CETP: variants seen among roughly 807,000 people sequenced by gnomAD.
The protein encoded by CETP is BPI fold containing family F.
Under a neutral mutation model 66.5 loss-of-function variants are expected in CETP, and 56 were observed. That is an observed-to-expected ratio of 0.84 (90% CI 0.68 to 1.05). CETP has a LOEUF of 1.05. CETP is among the 50% of genes least tolerant of loss of function. The pLI, the probability that CETP is intolerant of heterozygous loss-of-function variation, is 0.00. For synonymous variants in CETP, 251 were observed against 245.7 expected, an observed-to-expected ratio of 1.02 and a Z score of -0.20; for missense variants, 612 against 609.6, an observed-to-expected ratio of 1.00 and a Z score of -0.04.
rs1350922507 is a variant in CETP, at chr16:56,966,880, G to C, written c.234-2506G>C. On this transcript the variant is annotated intron_variant, in intron 2 of 15. Transcript: ENST00000200676. ...TCCACCTGCCTCGGCCTTCCAAAGT[G>C]CTGGGATTATAGGCGTGAGCCACGG... Among the ~76,000 whole-genome samples, 18 of 151,414 alleles carry C rather than the reference G, an allele frequency of 1.2e-4. 1 individual carries two copies. The highest frequency in any genetic ancestry group is 1.1e-3 in the Admixed American group (16 of 15,202).
intron 7 of CETP, among the ~76,000 whole-genome samples, chr16:56,971,648 C>T (rs2056111256): frequency 1.3e-5 from 2 of 152,180 alleles, no homozygotes; most frequent in East Asian, 3.8e-4. Context: ...CCAAGATTCT[C>T]CTGGAAGTAG....
intron 8 of CETP, 54 bp downstream of exon 8, chr16:56,972,137 CT>C: frequency 1.4e-6 from 2 of 1,393,012 alleles, no homozygotes; most frequent in Non-Finnish European, 1.0e-6. Context: ...GGAGTTGGTC[CT>C]TTTTTGTGCT....
At chr16:56,978,017 C>T (rs1478864572) in intron 10 of CETP, 74 bp from the exon 11 acceptor site, 3 of 1,569,906 alleles carry the variant, frequency 1.9e-6, no homozygotes, top group East Asian at 2.2e-5. Context: ...TTTGTCCTTC[C>T]CATCTCCGAG....
intron 14 of CETP, 106 bp downstream of exon 14, chr16:56,982,343 C>A: frequency 9.2e-7 from 1 of 1,083,864 alleles, no homozygotes; most frequent in South Asian, 1.3e-5. Flanking sequence ...TCTTCCCAGT[C>A]ATTGATACTT....
intron 15 of CETP, 42 bp downstream of exon 15, chr16:56,983,453 G>C (rs747666098): frequency 6.2e-7 from 1 of 1,604,366 alleles, no homozygotes; most frequent in African/African-American, 1.3e-5. Context: ...TTCCTGGGGA[G>C]AGAGGCCCAG....
At chr16:56,969,704 G>A in intron 4 of CETP, 23 bp downstream of exon 4, 1 of 1,612,624 alleles carries the variant, frequency 6.2e-7, no homozygotes, top group Non-Finnish European at 8.5e-7. Flanking sequence ...CGTCCTCTGG[G>A]GAAGTGGGAG....
chr16:56,964,433 T>A (rs2056050765), intron 2 of CETP, among the ~76,000 whole-genome samples: 1 of 152,180 alleles, frequency 6.6e-6, no homozygotes, highest in Admixed American at 6.5e-5. Flanking sequence ...GATAGAGGTT[T>A]AGCAGCCTGG....
At chr16:56,968,793 C>T (rs1452131839) in intron 2 of CETP, among the ~76,000 whole-genome samples, 2 of 150,648 alleles carry the variant, frequency 1.3e-5, no homozygotes, top group South Asian at 2.1e-4. Context: ...TTGGAAAAAC[C>T]AGCTATTGTT....
intron 1 of CETP, among the ~76,000 whole-genome samples, chr16:56,962,633 C>T (rs1400387473): frequency 6.6e-6 from 1 of 152,072 alleles, no homozygotes. Flanking sequence ...TAGAGTATCG[C>T]CAAGTTCAAA....
intron 2 of CETP, among the ~76,000 whole-genome samples, chr16:56,968,649 C>A (rs2056085380): frequency 6.6e-6 from 1 of 151,634 alleles, no homozygotes; most frequent in Admixed American, 6.6e-5. Flanking sequence ...GTAGTATTCT[C>A]TCATAATTCC....
Position 56,982,166 on chromosome 16 carries a change from G to A in CETP, c.1250G>A (p.Ser417Asn). The change falls in exon 14 of 16, where the codon AGC becomes AAC. Residue 417 changes from serine to asparagine, a missense_variant and splice_region_variant. Ser to Asn is a conservative substitution (Grantham distance 46). Transcript: ENST00000200676. ...TPKTVSNLTE[S>N]SSESVQSFLQ... ...TCACCATGGGCATTTGATTGGCAGA[G>A]CAGCTCCGAGTCCGTCCAGAGCTTC... 6.2e-7 allele frequency: 1 copy of A among 1,614,106 alleles called. No homozygotes were observed. The highest frequency in any genetic ancestry group is 8.5e-7 in the Non-Finnish European group (1 of 1,179,992).
At position 56,982,209 on chromosome 16, in the gene CETP, C is replaced by T. The variant is rs774124487; in HGVS notation, c.1293C>T (p.Thr431=). The T allele has an allele frequency of 4.3e-5, 69 of 1,614,042 alleles. 1 individual carries two copies. The highest frequency in any genetic ancestry group is 1.9e-4 in the African/African-American group (14 of 74,910). ...AGAGCTTCCTGCAGTCAATGATCAC[C>T]GCTGTGGGCATCCCTGAGGTCATGT... ...SVQSFLQSMI[T]AVGIPEVMSR... The change falls in exon 14 of 16, where the codon ACC becomes ACT. Residue 431 remains threonine, a synonymous_variant. Coordinates refer to ENST00000200676, the MANE Select transcript of CETP (RefSeq NM_000078.3).
chr16:56,974,802 T>C lies in CETP; in HGVS notation c.931-299T>C, dbSNP rs984350611. On this transcript the variant is annotated intron_variant, in intron 9 of 15. Transcript: ENST00000200676. ...CTGTACTAGAAATGCTTAGGTAGTT[T>C]CCAGGCTGTGCTTGTCATTGAACTC... 5.9e-5 allele frequency among the ~76,000 whole-genome samples: 9 copies of C among 152,314 alleles called. No individual in the cohort carries two copies. The South Asian group carries it at 1.2e-3, about 21-fold the overall frequency.
chr16:56,965,894 T>C (rs2056062585), intron 2 of CETP, among the ~76,000 whole-genome samples: 1 of 152,096 alleles, frequency 6.6e-6, no homozygotes, highest in South Asian at 2.1e-4. Flanking sequence ...TCCTCTGCTG[T>C]ACCTACACCA....
intron 8 of CETP, 45 bp downstream of exon 8, chr16:56,972,128 G>T (rs1003623011): frequency 1.3e-6 from 2 of 1,492,000 alleles, no homozygotes; most frequent in East Asian, 2.3e-5. Context: ...TTCCCCAGGG[G>T]AGTTGGTCCT....
chr16:56,971,052 C>T lies in CETP; in HGVS notation c.547C>T (p.Leu183=), dbSNP rs1228353478. ...GEREPGWIKQ[L]FTNFISFTLK... ...CTTCAGGCCTGGGTGGATCAAGCAG[C>T]TGTTCACAAATTTCATCTCCTTCAC... Residue 183 remains leucine (L), a synonymous_variant, in exon 6 of 16, where the codon CTG becomes TTG. Transcript: ENST00000200676. 4 of 1,614,170 alleles carry T rather than the reference C, an allele frequency of 2.5e-6. No individual in the cohort carries two copies. The highest frequency in any genetic ancestry group is 3.4e-6 in the Non-Finnish European group (4 of 1,180,032).
At chr16:56,978,278 T>C in intron 11 of CETP, 23 bp downstream of exon 11, 1 of 1,613,320 alleles carries the variant, frequency 6.2e-7, no homozygotes, top group Non-Finnish European at 8.5e-7. Context: ...CAGGGAGAGG[T>C]GGTGGTGGGG....
At chr16:56,980,624 TA>T (rs34355970) in intron 11 of CETP, among the ~76,000 whole-genome samples, 2 of 151,952 alleles carry the variant, frequency 1.3e-5, no homozygotes, top group Non-Finnish European at 2.9e-5. Flanking sequence ...GAGCATTTGT[TA>T]AAAAAAAGAA....
At position 56,962,082 on chromosome 16, in the gene CETP, C is replaced by A; in HGVS notation, c.103C>A (p.Pro35Thr). ...AGGCATCGTGTGCCGCATCACCAAGCCTGCCCTCCTGGTGTGTAAGTATCA... is the reference window on the plus strand; with the variant it reads ...AGGCATCGTGTGCCGCATCACCAAGACTGCCCTCCTGGTGTGTAAGTATCA... ...EAGIVCRITK[P>T]ALLVLNHETA... The change falls in exon 1 of 16, where the codon CCT (proline) becomes ACT (threonine). Residue 35 changes from proline to threonine, a missense_variant. Pro to Thr is a conservative substitution (Grantham distance 38). Transcript: ENST00000200676. The A allele has an allele frequency of 1.2e-6, 2 of 1,613,704 alleles. No homozygotes were observed. The highest frequency in any genetic ancestry group is 1.1e-5 in the South Asian group (1 of 91,068).
Sources: allele counts gnomAD v4.1 joint callset (sites outside exome capture counted in the v4.1 genomes callset), GRCh38; gene constraint gnomAD v4.1.1; transcripts MANE v1.5; gene names NCBI Gene and HGNC (gene_info 2026-07-23, HGNC 2026-07-21).